Variants in MCF2L observed in about 807,000 individuals in gnomAD.
MCF2L encodes MCF.2 cell line derived transforming sequence like, also known as guanine nucleotide exchange factor DBS.
In MCF2L, 97 loss-of-function variants were observed where a neutral mutation model predicts 153.4. The ratio of observed to expected loss-of-function variants is 0.63; its 90% confidence interval spans 0.54 to 0.75. MCF2L has a LOEUF of 0.75. Among genes scored for constraint, MCF2L ranks in the 30% least tolerant of loss-of-function variants. The pLI is 0.00. For synonymous variants in MCF2L, 659 were observed against 632.2 expected, an observed-to-expected ratio of 1.04 and a Z score of -0.64; for missense variants, 1,347 against 1,495.2, an observed-to-expected ratio of 0.90 and a Z score of 1.64.
chr13:113,051,095 A>C (rs993163738), intron 4 of MCF2L, among the ~76,000 whole-genome samples: 11 of 152,276 alleles, frequency 7.2e-5, no homozygotes, highest in Middle Eastern at 6.8e-3. Context: ...TGCAGCAAGC[A>C]CCTGCCCAGG....
At chr13:113,057,995 GTGTT>G (rs1463889003) in intron 4 of MCF2L, among the ~76,000 whole-genome samples, 7 of 148,200 alleles carry the variant, frequency 4.7e-5, no homozygotes, top group South Asian at 4.4e-4. Context: ...TGGGTGCTGA[GTGTT>G]TGGGCTCTGA....
At position 113,075,153 on chromosome 13, in the gene MCF2L, C is replaced by G; in HGVS notation, c.1272C>G (p.Leu424=). The change falls in exon 11 of 30, where the codon CTC becomes CTG. Residue 424 remains leucine (L), a synonymous_variant. Coordinates refer to ENST00000535094, the MANE Select transcript of MCF2L (RefSeq NM_001112732.3). ...AGATCGCAAGGAGGAGGGGGCTGCT[C>G]AGCAAGTCCCTGGAGCTGCACCGCC... ...SAEIARRRGL[L]SKSLELHRRL... The G allele has an allele frequency of 6.2e-7, 1 of 1,610,346 alleles. No individual in the cohort carries two copies. Among genetic ancestry groups the G allele is most frequent in the Non-Finnish European group, 8.5e-7 (1 of 1,178,106 alleles).
At chr13:113,063,615 A>G (rs1489791588) in intron 5 of MCF2L, among the ~76,000 whole-genome samples, 1 of 152,134 alleles carries the variant, frequency 6.6e-6, no homozygotes, top group Admixed American at 6.5e-5. Flanking sequence ...GGGTCTCCTG[A>G]GGTTTAGCTC....
chr13:112,968,321 G>A (rs746995117), upstream of MCF2L: 31 of 1,131,000 alleles, frequency 2.7e-5, no homozygotes, highest in Non-Finnish European at 3.7e-5. Flanking sequence ...GATAGCTGCG[G>A]TTTTGGGCGA....
chr13:112,996,422 A>G (rs1373273155), intron 1 of MCF2L, among the ~76,000 whole-genome samples: 1 of 152,222 alleles, frequency 6.6e-6, no homozygotes, highest in African/African-American at 2.4e-5. Flanking sequence ...CCGACACGCC[A>G]GGATGGGCCG....
chr13:113,038,677 T>C (rs769785817), intron 3 of MCF2L, among the ~76,000 whole-genome samples: 1 of 152,064 alleles, frequency 6.6e-6, no homozygotes, highest in Non-Finnish European at 1.5e-5. Context: ...TATATGAAAA[T>C]GCAAGGGGTG....
At chr13:113,026,374 G>A (rs2085307350) in intron 3 of MCF2L, among the ~76,000 whole-genome samples, 2 of 152,226 alleles carry the variant, frequency 1.3e-5, no homozygotes, top group Admixed American at 1.3e-4. Flanking sequence ...AGCTTTGTCA[G>A]CATCATGGTT....
At chr13:113,056,462 G>T (rs1248794131) in intron 4 of MCF2L, among the ~76,000 whole-genome samples, 2 of 149,372 alleles carry the variant, frequency 1.3e-5, no homozygotes, top group Admixed American at 6.6e-5. Flanking sequence ...AGTGGGTGCT[G>T]TGTGTTTGGG....
At chr13:113,041,975 G>A (rs1256057665) in intron 3 of MCF2L, among the ~76,000 whole-genome samples, 1 of 152,178 alleles carries the variant, frequency 6.6e-6, no homozygotes, top group African/African-American at 2.4e-5. Flanking sequence ...TCTGTGCCTG[G>A]AGAGGATCAT....
At chr13:112,931,784 C>T (rs1218263015) in intron 2 of MCF2L, among the ~76,000 whole-genome samples, 3 of 152,126 alleles carry the variant, frequency 2.0e-5, no homozygotes, top group Non-Finnish European at 4.4e-5. Flanking sequence ...AGGAACAAAA[C>T]AAACAAAACA....
intron 2 of MCF2L, among the ~76,000 whole-genome samples, chr13:113,019,706 G>A (rs1378497196): frequency 6.7e-6 from 1 of 148,536 alleles, no homozygotes; most frequent in Admixed American, 6.6e-5. Context: ...CCTAACCCCA[G>A]AGGTGATGTT....
intron 3 of MCF2L, among the ~76,000 whole-genome samples, chr13:113,025,280 C>T (rs76694124): frequency 0.028 from 1,140 of 40,662 alleles, 173 homozygotes; most frequent in South Asian, 0.062. Flanking sequence ...GACTGTGGGT[C>T]AGGGCAGAGT....
In MCF2L at chr13:113,084,051, G is replaced by A. The variant is rs2034403493; in HGVS notation, c.2045G>A (p.Arg682Lys). ...ACTGACTGCCCAGAACTGGTTGGAA[G>A]ATGCTTTCTGGAGAGGGTAGGTGGT... The part of the protein sequence containing the change: ...NYTDCPELVG[R>K]CFLERMEDFQ... The change falls in exon 18 of 30, where the codon AGA (arginine) becomes AAA (lysine). Residue 682 changes from arginine (R) to lysine (K), a missense_variant. Transcript: ENST00000535094. 6.2e-7 allele frequency: 1 copy of A among 1,613,868 alleles called. No individual in the cohort carries two copies. Among genetic ancestry groups the A allele is most frequent in the Non-Finnish European group, 8.5e-7 (1 of 1,179,856 alleles).
chr13:112,954,623 A>T (rs1159472832), intron 2 of MCF2L, among the ~76,000 whole-genome samples: 4 of 152,032 alleles, frequency 2.6e-5, no homozygotes, highest in African/African-American at 9.7e-5. Context: ...CTGGGCTCTG[A>T]CTGGCTCCCG....
At position 112,921,844 on chromosome 13, in the gene MCF2L, T is replaced by C. The variant is rs536992649; in HGVS notation, c.169+19473T>C. ...AGTACAACACACAACTTAGCAAATC[T>C]ATGAAATATGGCAGGAGAGAGTGTC... On this transcript the variant is annotated intron_variant, in intron 2 of 29. Transcript: ENST00000375608. Among the ~76,000 whole-genome samples, 7 of 152,268 alleles carry C rather than the reference T, an allele frequency of 4.6e-5. No homozygotes were observed. In the South Asian group the frequency reaches 1.4e-3, roughly 32 times the overall value.
intron 2 of MCF2L, among the ~76,000 whole-genome samples, chr13:112,916,892 G>A (rs559639107): frequency 6.6e-6 from 1 of 152,172 alleles, no homozygotes; most frequent in Non-Finnish European, 1.5e-5. Flanking sequence ...TCCCCTGCCT[G>A]TCCCTGAACC....
chr13:113,062,696 T>G (rs1271205084), intron 5 of MCF2L, among the ~76,000 whole-genome samples: 1 of 152,148 alleles, frequency 6.6e-6, no homozygotes, highest in Non-Finnish European at 1.5e-5. Flanking sequence ...CGTGTTTCAG[T>G]GCCGTGTGCT....
At chr13:112,979,855 TC>T in intron 1 of MCF2L, 1 of 1,162,628 alleles carries the variant, frequency 8.6e-7, no homozygotes, top group South Asian at 1.5e-5. Flanking sequence ...GGTATTTCTC[TC>T]ACCACTTGAC....
chr13:113,043,108 A>T (rs887086305), intron 3 of MCF2L: 1 of 152,196 alleles, frequency 6.6e-6, no homozygotes, highest in African/African-American at 2.4e-5. Flanking sequence ...GGAAGCAGAG[A>T]TGGTTCACAG....
Sources: allele counts gnomAD v4.1 joint callset (sites outside exome capture counted in the v4.1 genomes callset), GRCh38; gene constraint gnomAD v4.1.1; transcripts MANE v1.5; gene names NCBI Gene and HGNC (gene_info 2026-07-23, HGNC 2026-07-21).